RB1: variants seen among roughly 807,000 people sequenced by gnomAD.
RB1 encodes the protein RB transcriptional corepressor 1.
In RB1, 18 loss-of-function variants were observed where a neutral mutation model predicts 135.4. That is an observed-to-expected ratio of 0.13 (90% CI 0.09 to 0.20). The LOEUF (loss-of-function observed/expected upper bound fraction) is 0.20. Among genes scored for constraint, RB1 ranks in the 10% least tolerant of loss-of-function variants. The pLI, the probability that RB1 is intolerant of heterozygous loss-of-function variation, is 1.00. For synonymous variants in RB1, 365 were observed against 373.2 expected (o/e 0.98, Z 0.25); for missense variants, 868 against 1,110.0 (o/e 0.78, Z 3.10).
At chr13:48,345,699 C>A (rs1159652456) in intron 4 of RB1, among the ~76,000 whole-genome samples, 1 of 152,178 alleles carries the variant, frequency 6.6e-6, no homozygotes, top group Admixed American at 6.5e-5. Context: ...CTATACTTTT[C>A]ATCAAAACTG....
intron 17 of RB1, among the ~76,000 whole-genome samples, chr13:48,443,828 AAGAT>A (rs1320348701): frequency 1.3e-5 from 2 of 152,214 alleles, no homozygotes; most frequent in Admixed American, 6.5e-5. Flanking sequence ...TTTTGGAAAA[AAGAT>A]AAGCTGAAAA....
At chr13:48,381,973 G>T (rs540027501) in intron 17 of RB1, among the ~76,000 whole-genome samples, 1 of 152,108 alleles carries the variant, frequency 6.6e-6, no homozygotes, top group African/African-American at 2.4e-5. Context: ...GCAATAGTTT[G>T]CTCAGAATGA....
In RB1 at chr13:48,345,159, A is replaced by G; in HGVS notation, c.460A>G (p.Lys154Glu). The G allele has an allele frequency of 6.2e-7, 1 of 1,612,910 alleles. No individual in the cohort carries two copies. Among genetic ancestry groups the G allele is most frequent in the Non-Finnish European group, 8.5e-7 (1 of 1,179,562 alleles). The change falls in exon 4 of 27, where the codon AAG becomes GAG. Residue 154 changes from lysine to glutamate, a missense_variant. Around this residue, in one of 3 missense-constraint regions of RB1, gnomAD observed 641 missense variants for 791.3 expected, o/e 0.81. Transcript: ENST00000267163. ...VDNAMSRLLK[K>E]YDVLFALFSK... is the part of the protein sequence containing the mutation. ...TAATGCTATGTCAAGACTGTTGAAGAAGTATGATGTATTGTTTGCACTCTT... is the reference window on the plus strand; with the variant it reads ...TAATGCTATGTCAAGACTGTTGAAGGAGTATGATGTATTGTTTGCACTCTT...
chr13:48,403,431 A>T (rs198611), intron 17 of RB1, among the ~76,000 whole-genome samples: 138,857 of 152,014 alleles, frequency 0.91, 64,314 homozygotes, highest in East Asian at 1. Context: ...GAGTTGATTC[A>T]TTTTTTTAGT....
At chr13:48,357,748 A>G (rs907309937) in intron 6 of RB1, among the ~76,000 whole-genome samples, 1 of 152,070 alleles carries the variant, frequency 6.6e-6, no homozygotes, top group Non-Finnish European at 1.5e-5. Context: ...ACAGGTGACT[A>G]AAGGTCATGG....
intron 23 of RB1, among the ~76,000 whole-genome samples, chr13:48,466,581 A>G (rs1949446518): frequency 6.6e-6 from 1 of 152,056 alleles, no homozygotes; most frequent in African/African-American, 2.4e-5. Context: ...GAGCTGAGAG[A>G]AGAAGGTTTC....
At position 48,380,044 on chromosome 13, in the gene RB1, C is replaced by G. The variant is rs150700378; in HGVS notation, c.1390-9C>G. The G allele has an allele frequency of 1.8e-6, 2 of 1,091,788 alleles. No homozygotes were observed. The highest frequency in any genetic ancestry group is 3.5e-5 in the Admixed American group (1 of 28,190). 67.6% of individuals were successfully genotyped at this position (1,091,788 alleles called of 1,614,324 possible). A position where few individuals can be genotyped will look rare whatever the true frequency, so the allele number is the denominator to read the frequency against. ...ACTTCTTTTTTTTTTTTTAAATTAT[C>G]TGTTTCAGGAAGAAGAACGATTATC... is the stretch of plus-strand genomic sequence containing the variant. On this transcript the variant is annotated splice_polypyrimidine_tract_variant and intron_variant, in intron 14 of 26. Coordinates refer to ENST00000267163, the MANE Select transcript of RB1 (RefSeq NM_000321.3).
At chr13:48,475,912 G>T (rs535373910) in intron 24 of RB1, among the ~76,000 whole-genome samples, 24 of 152,342 alleles carry the variant, frequency 1.6e-4, no homozygotes, top group African/African-American at 5.5e-4. Context: ...GTATCACATA[G>T]TGGTCTTCAA....
chr13:48,376,262 A>T (rs888055414), intron 12 of RB1, among the ~76,000 whole-genome samples: 2 of 152,114 alleles, frequency 1.3e-5, no homozygotes, highest in Admixed American at 6.6e-5. Context: ...GCACTTTGGG[A>T]GGCCAAGGTG....
In RB1 at chr13:48,319,882, C is replaced by T; in HGVS notation, c.264+12476C>T. 6.0e-6 allele frequency: 2 copies of T among 333,680 alleles called. No homozygotes were observed. Among genetic ancestry groups the T allele is most frequent in the South Asian group, 3.6e-5 (1 of 27,808 alleles). 20.7% of individuals were successfully genotyped at this position (333,680 alleles called of 1,614,324 possible). A position where few individuals can be genotyped will look rare whatever the true frequency, so the allele number is the denominator to read the frequency against. ...GGCAGAACCCTAGTCCTCACTGGAT[C>T]TCACCTGGCTGCCAGGGCCACCACC... On this transcript the variant is annotated intron_variant, in intron 2 of 26. Coordinates refer to ENST00000267163, the MANE Select transcript of RB1 (RefSeq NM_000321.3). This position sits in a 1 kb window ranked among gnomAD's most constrained non-coding sequence, Gnocchi z 5.0.
chr13:48,307,505 C>T (rs1952092083), intron 2 of RB1, 99 bp downstream of exon 2: 6 of 1,234,854 alleles, frequency 4.9e-6, no homozygotes, highest in Non-Finnish European at 5.8e-6. Flanking sequence ...AATATAAAGA[C>T]AATAAAAGCT....
intron 2 of RB1, among the ~76,000 whole-genome samples, chr13:48,323,366 T>C (rs984438111): frequency 6.6e-6 from 1 of 151,834 alleles, no homozygotes; most frequent in Non-Finnish European, 1.5e-5. Context: ...TAGTAGTAAT[T>C]TTTTTTTATT....
chr13:48,395,567 A>G (rs1278086093), intron 17 of RB1, among the ~76,000 whole-genome samples: 1 of 151,958 alleles, frequency 6.6e-6, no homozygotes, highest in East Asian at 1.9e-4. Context: ...ACACAACACG[A>G]GGACTTTGTG....
intron 17 of RB1, among the ~76,000 whole-genome samples, chr13:48,451,715 T>C (rs553796777): frequency 2.7e-5 from 4 of 150,082 alleles, no homozygotes; most frequent in Middle Eastern, 3.4e-3. Flanking sequence ...TAGAATTCAG[T>C]TGTGAATGCA....
At chr13:48,418,215 G>A (rs1397312051) in intron 17 of RB1, among the ~76,000 whole-genome samples, 3 of 150,598 alleles carry the variant, frequency 2.0e-5, no homozygotes, top group African/African-American at 7.3e-5. Context: ...GAAAAGAGTG[G>A]GGGCCAATAT....
chr13:48,386,702 G>C (rs564169976), intron 17 of RB1, among the ~76,000 whole-genome samples: 1 of 152,222 alleles, frequency 6.6e-6, no homozygotes, highest in East Asian at 1.9e-4. Flanking sequence ...TTAGAAACTT[G>C]TATCCACCAC....
intron 16 of RB1, 54 bp downstream of exon 16, chr13:48,380,295 G>A (rs2138143403): frequency 7.4e-7 from 1 of 1,347,454 alleles, no homozygotes; most frequent in Non-Finnish European, 1.1e-6. Context: ...GTTAAAATGT[G>A]GTGTGTTTCT....
intron 1 of RB1, 111 bp from the exon 2 acceptor site, chr13:48,307,169 A>G: frequency 1.2e-6 from 1 of 801,942 alleles, no homozygotes; most frequent in Non-Finnish European, 2.0e-6. Flanking sequence ...AAAGTATTTA[A>G]TAATGTTCTT....
chr13:48,362,148 G>A lies in RB1; in HGVS notation c.719-667G>A, dbSNP rs541577970. 5.5e-3 allele frequency among the ~76,000 whole-genome samples: 841 copies of A among 151,604 alleles called. 5 individuals are homozygous for A. The highest frequency in any genetic ancestry group is 0.01 in the Middle Eastern group (3 of 294). On this transcript the variant is annotated intron_variant, in intron 7 of 26. Coordinates refer to ENST00000267163, the MANE Select transcript of RB1 (RefSeq NM_000321.3). Reference sequence around the variant, plus strand: ...TTTTTAGTAGAGACGGGGTTTCACCGTGTTGGCCAGGCTGGTCTTGAACTC... The same window carrying A: ...TTTTTAGTAGAGACGGGGTTTCACCATGTTGGCCAGGCTGGTCTTGAACTC...
Sources: allele counts gnomAD v4.1 joint callset (sites outside exome capture counted in the v4.1 genomes callset), GRCh38; gene constraint gnomAD v4.1.1; regional missense constraint gnomAD v4.1.1; non-coding constraint Gnocchi (gnomAD v3.1); transcripts MANE v1.5; gene names NCBI Gene and HGNC (gene_info 2026-07-23, HGNC 2026-07-21).